Variants in RELN observed in about 807,000 individuals in gnomAD.
RELN encodes the protein reelin.
A neutral mutation model predicts 427.6 loss-of-function variants in RELN; 108 were observed. That is an observed-to-expected ratio of 0.25 (90% CI 0.22 to 0.30). The LOEUF (loss-of-function observed/expected upper bound fraction) is 0.30. Among genes scored for constraint, RELN ranks in the 10% least tolerant of loss-of-function variants. RELN has a pLI of 1.00. For missense variants in RELN, 3,715 were observed against 4,302.8 expected (o/e 0.86, Z 3.82); for synonymous variants, 1,524 against 1,513.4 (o/e 1.01, Z -0.16).
intron 1 of RELN, among the ~76,000 whole-genome samples, chr7:103,924,672 T>C (rs1367526689): frequency 1.3e-5 from 2 of 152,150 alleles, no homozygotes; most frequent in South Asian, 4.1e-4. Context: ...TACTTATTAC[T>C]GATTCAGAGA....
At chr7:103,940,944 G>A (rs1335308625) in intron 1 of RELN, among the ~76,000 whole-genome samples, 2 of 152,080 alleles carry the variant, frequency 1.3e-5, no homozygotes, top group African/African-American at 4.8e-5. Context: ...ATCCAAGCCT[G>A]GAAACTTCAT....
chr7:103,902,279 T>C (rs539149249), intron 2 of RELN, among the ~76,000 whole-genome samples: 16 of 152,212 alleles, frequency 1.1e-4, no homozygotes, highest in African/African-American at 2.9e-4. Context: ...ATTATTGAAA[T>C]GCTATCAAAT....
Position 103,498,123 on chromosome 7 carries a change from T to C in RELN, c.8797A>G (p.Thr2933Ala), listed in dbSNP as rs1172953100. 26 of 1,614,166 alleles carry C rather than the reference T, an allele frequency of 1.6e-5. No individual in the cohort carries two copies. Among genetic ancestry groups the C allele is most frequent in the Non-Finnish European group, 2.2e-5 (26 of 1,180,018 alleles). Reference protein sequence around the residue: ...EDTALYFGGSTVRQAVTQDLD... With the variant: ...EDTALYFGGSAVRQAVTQDLD... ...TCTTGTGTAACCGCTTGTCTCACAG[T>C]GGATCCCCCAAAATAGAGTGCAGTG... The change falls in exon 54 of 65, where the codon ACT becomes GCT. Residue 2933 changes from threonine to alanine, a missense_variant. Thr to Ala is a moderately conservative substitution (Grantham distance 58). Transcript: ENST00000428762.
chr7:103,675,327 C>A (rs1187100907), intron 11 of RELN, among the ~76,000 whole-genome samples: 5 of 152,134 alleles, frequency 3.3e-5, no homozygotes, highest in South Asian at 2.1e-4. Context: ...ATCCAACTTA[C>A]AAGGGATGTG....
intron 11 of RELN, among the ~76,000 whole-genome samples, chr7:103,681,523 C>T (rs976022708): frequency 6.6e-6 from 1 of 151,794 alleles, no homozygotes; most frequent in African/African-American, 2.4e-5. Context: ...GAAAGTGCTG[C>T]CCAATTAGTA....
At chr7:103,791,798 C>T (rs1413940157) in intron 3 of RELN, among the ~76,000 whole-genome samples, 1 of 151,750 alleles carries the variant, frequency 6.6e-6, no homozygotes, top group Admixed American at 6.6e-5. Context: ...AAAAGACCCA[C>T]AGAATGAGAG....
chr7:103,490,444 C>A (rs551089329), intron 59 of RELN, among the ~76,000 whole-genome samples: 1 of 152,270 alleles, frequency 6.6e-6, no homozygotes, highest in Admixed American at 6.5e-5. Context: ...AATCTGAGAT[C>A]TCTGAATCAT....
chr7:103,540,273 C>T lies in RELN; in HGVS notation c.6854G>A (p.Arg2285His), dbSNP rs116394157. ...CCAGCGAAGGCGAGTAGAACCAGAACGGGCTTTCAAGGGTATCTCCAGGGC... is the reference window on the plus strand; with the variant it reads ...CCAGCGAAGGCGAGTAGAACCAGAATGGGCTTTCAAGGGTATCTCCAGGGC... Reference protein sequence around the residue: ...YIALEIPLKARSGSTRLRWWQ... With the variant: ...YIALEIPLKAHSGSTRLRWWQ... Residue 2285 changes from arginine (R) to histidine (H), a missense_variant, in exon 44 of 65, where the codon CGT (arginine) becomes CAT (histidine). By Grantham distance (29) the Arg-to-His change is conservative (BLOSUM62 0). Transcript: ENST00000428762. 33 of 1,614,060 alleles carry T rather than the reference C, an allele frequency of 2.0e-5. No individual in the cohort carries two copies. Among genetic ancestry groups the T allele is most frequent in the African/African-American group, 6.7e-5 (5 of 74,926 alleles).
At chr7:103,681,033 G>T (rs1478449348) in intron 11 of RELN, among the ~76,000 whole-genome samples, 2 of 152,154 alleles carry the variant, frequency 1.3e-5, no homozygotes, top group African/African-American at 4.8e-5. Flanking sequence ...GACACTGAAA[G>T]ACCCCATTGT....
chr7:103,567,309 C>T (rs528790713), intron 31 of RELN, among the ~76,000 whole-genome samples: 2 of 152,348 alleles, frequency 1.3e-5, no homozygotes, highest in South Asian at 2.1e-4. Context: ...GAAAGGCTCA[C>T]GCTTCTCCAA....
At chr7:103,619,014 AG>A (rs1482645578) in intron 20 of RELN, among the ~76,000 whole-genome samples, 2 of 152,086 alleles carry the variant, frequency 1.3e-5, no homozygotes, top group African/African-American at 4.8e-5. Context: ...GCTACTTGGG[AG>A]GCTGAGGCAG....
chr7:103,748,287 C>G (rs1003406541), intron 6 of RELN, among the ~76,000 whole-genome samples: 1 of 151,692 alleles, frequency 6.6e-6, no homozygotes, highest in African/African-American at 2.4e-5. Context: ...TTCTGGCTAG[C>G]CTGATAATAT....
intron 46 of RELN, among the ~76,000 whole-genome samples, chr7:103,532,691 C>A (rs1298631658): frequency 6.6e-6 from 1 of 152,160 alleles, no homozygotes; most frequent in Admixed American, 6.5e-5. Flanking sequence ...CAATTGGCTG[C>A]TATCCTTGCT....
intron 3 of RELN, among the ~76,000 whole-genome samples, chr7:103,811,964 A>G (rs1232033870): frequency 6.6e-6 from 1 of 152,246 alleles, no homozygotes. Flanking sequence ...TAGCATTTCT[A>G]TAAAGAATAA....
At chr7:103,750,229 C>A (rs112564205) in intron 5 of RELN, among the ~76,000 whole-genome samples, 2 of 152,288 alleles carry the variant, frequency 1.3e-5, no homozygotes, top group African/African-American at 4.8e-5. Flanking sequence ...CCACCTGCCT[C>A]GATCTCCCAA....
At chr7:103,568,234 G>C (rs1362066636) in intron 31 of RELN, among the ~76,000 whole-genome samples, 2 of 152,142 alleles carry the variant, frequency 1.3e-5, no homozygotes, top group African/African-American at 4.8e-5. Flanking sequence ...TTACAATAAA[G>C]TGTAGTGCTA....
At chr7:103,681,584 A>G (rs1833653440) in intron 11 of RELN, among the ~76,000 whole-genome samples, 2 of 152,140 alleles carry the variant, frequency 1.3e-5, no homozygotes, top group South Asian at 2.1e-4. Flanking sequence ...AGCTCAGAAC[A>G]GCAAGAAAAC....
chr7:103,905,252 A>G, intron 2 of RELN, among the ~76,000 whole-genome samples: 1 of 152,120 alleles, frequency 6.6e-6, no homozygotes, highest in Non-Finnish European at 1.5e-5. Flanking sequence ...TGCTGGGATT[A>G]CAGGCGTGAG....
intron 63 of RELN, chr7:103,482,291 C>G (rs1007978949): frequency 7.0e-5 from 11 of 158,058 alleles, no homozygotes; most frequent in African/African-American, 2.7e-4. Context: ...AGAGAAAAAG[C>G]AAGTCATCTC....
Sources: gnomAD v4.1 joint callset for allele counts (sites outside exome capture counted in the v4.1 genomes callset) on GRCh38, gnomAD v4.1.1 for gene constraint, MANE v1.5 for transcripts, NCBI Gene and HGNC (gene_info 2026-07-23, HGNC 2026-07-21) for gene names.